Variants in PHF10 observed in about 807,000 individuals in gnomAD.
PHF10 encodes PHD finger protein 10.
In PHF10, 51 loss-of-function variants were observed where a neutral mutation model predicts 68.5. The observed-to-expected ratio is 0.74, with a 90% CI of 0.59 to 0.94. PHF10 has a LOEUF of 0.94. Among genes scored for constraint, PHF10 ranks in the 40% least tolerant of loss-of-function variants. The pLI, the probability that PHF10 is intolerant of heterozygous loss-of-function variation, is 0.00. For synonymous variants in PHF10, 204 were observed against 203.5 expected, an observed-to-expected ratio of 1.00 and a Z score of -0.02; for missense variants, 460 against 602.6, an observed-to-expected ratio of 0.76 and a Z score of 2.48.
chr6:169,712,302 A>G, intron 8 of PHF10, 84 bp downstream of exon 8: 2 of 1,144,792 alleles, frequency 1.7e-6, no homozygotes, highest in Non-Finnish European at 1.3e-6. Flanking sequence ...ATCCTTTTTC[A>G]AGGAGAGGGT....
At chr6:169,722,251 T>A (rs1418003499) in intron 1 of PHF10, among the ~76,000 whole-genome samples, 2 of 152,222 alleles carry the variant, frequency 1.3e-5, no homozygotes, top group African/African-American at 2.4e-5. Flanking sequence ...AAAATATATA[T>A]TCTTTTTCAG....
intron 7 of PHF10, among the ~76,000 whole-genome samples, chr6:169,713,615 A>T (rs956515554): frequency 3.3e-5 from 5 of 151,976 alleles, no homozygotes; most frequent in African/African-American, 1.2e-4. Context: ...AAAAAAAAAA[A>T]ATTTGAAGAA....
chr6:169,722,273 T>C (rs565312004), intron 1 of PHF10, among the ~76,000 whole-genome samples: 1 of 152,336 alleles, frequency 6.6e-6, no homozygotes, highest in Non-Finnish European at 1.5e-5. Context: ...CCTTATAAAA[T>C]AAGCATTTCA....
Position 169,703,928 on chromosome 6 carries a change from G to T in PHF10, c.*75C>A, listed in dbSNP as rs1392124534. The T allele has an allele frequency of 5.9e-6, 7 of 1,193,568 alleles. No individual in the cohort carries two copies. The highest frequency in any genetic ancestry group is 8.2e-6 in the Non-Finnish European group (7 of 853,408). 73.9% of individuals were successfully genotyped at this position (1,193,568 alleles called of 1,614,324 possible). On this transcript the variant is annotated 3_prime_UTR_variant, in exon 12 of 12. Transcript: ENST00000339209. ...AATTTGCAAAAAAAATCTTTTATTG[G>T]CATGAAAATAATGTTGTAAATGGCA...
At chr6:169,705,849 A>C in intron 9 of PHF10, 125 bp from the exon 10 acceptor site, 1 of 648,132 alleles carries the variant, frequency 1.5e-6, no homozygotes, top group Non-Finnish European at 2.8e-6. Flanking sequence ...CCATTTTGAA[A>C]GACAAAACTT....
chr6:169,708,256 T>C (rs1235928534), intron 9 of PHF10: 3 of 152,214 alleles, frequency 2.0e-5, no homozygotes, highest in African/African-American at 7.2e-5. Flanking sequence ...ATAGTATAGA[T>C]TTTAATTATT....
chr6:169,712,661 GTAC>G, intron 7 of PHF10, 122 bp from the exon 8 acceptor site: 1 of 700,718 alleles, frequency 1.4e-6, no homozygotes, highest in Non-Finnish European at 2.3e-6. Context: ...GAAAACTAGA[GTAC>G]TAATTTTTCA....
At chr6:169,704,347 G>C (rs557762427) in intron 11 of PHF10, 27 of 409,088 alleles carry the variant, frequency 6.6e-5, no homozygotes, top group African/African-American at 5.6e-4. Context: ...CTTTAAGAAA[G>C]TACAATCTTT....
chr6:169,709,793 G>A (rs2128329403), intron 9 of PHF10: 1 of 152,246 alleles, frequency 6.6e-6, no homozygotes, highest in South Asian at 2.1e-4. Flanking sequence ...CTTTCTTAAT[G>A]AAAGGCACTA....
intron 9 of PHF10, chr6:169,707,679 C>T (rs1246718888): frequency 6.6e-6 from 1 of 152,142 alleles, no homozygotes; most frequent in Non-Finnish European, 1.5e-5. Context: ...TAGAGCAATT[C>T]AAGTTCTACA....
At chr6:169,704,928 A>G (rs939913428) in intron 11 of PHF10, 2 of 422,180 alleles carry the variant, frequency 4.7e-6, no homozygotes, top group South Asian at 2.1e-4. Flanking sequence ...TAGCAGGGGC[A>G]TTCTGGCCTT....
intron 1 of PHF10, among the ~76,000 whole-genome samples, 193 bp downstream of exon 1, chr6:169,723,652 A>T (rs1789239929): frequency 6.7e-6 from 1 of 150,150 alleles, no homozygotes; most frequent in Admixed American, 6.6e-5. Context: ...GCCCGCCCGC[A>T]CTTGTTGCTC....
At chr6:169,715,575 A>C in intron 6 of PHF10, 133 bp downstream of exon 6, 1 of 849,614 alleles carries the variant, frequency 1.2e-6, no homozygotes, top group Non-Finnish European at 1.9e-6. Flanking sequence ...AAAACAAAAC[A>C]AAACAAACAA....
Position 169,716,077 on chromosome 6 carries a change from A to G in PHF10, c.421T>C (p.Leu141=), listed in dbSNP as rs759967985. 49 of 1,592,286 alleles carry G rather than the reference A, an allele frequency of 3.1e-5. No individual in the cohort carries two copies. In the East Asian group the frequency reaches 8.1e-4, roughly 26 times the overall value. ...AAATCAATCACTTCATCACTGCGCA[A>G]TGCTGTTAAGCCTATTTTAGACCAA... ...ETQCTLGLTA[L]RSDEVIDLMI... is the part of the protein sequence containing the mutation. Residue 141 remains leucine, a synonymous_variant, in exon 5 of 12, where the codon TTG becomes CTG. Transcript: ENST00000339209.
rs1788754729 is a variant in PHF10 at position 169,705,598 on chromosome 6, A to T, written c.1222+18T>A. On this transcript the variant is annotated intron_variant, in intron 10 of 11. Transcript: ENST00000339209. Reference sequence around the variant, plus strand: ...AAATACGGTGGTTAAAATTTTAAAAAGACATTTCAATACTTACCACTATTC... The same window carrying T: ...AAATACGGTGGTTAAAATTTTAAAATGACATTTCAATACTTACCACTATTC... 1.7e-6 allele frequency: 2 copies of T among 1,200,186 alleles called. No individual in the cohort carries two copies. The highest frequency in any genetic ancestry group is 3.4e-5 in the Admixed American group (2 of 58,932). The allele number at this position is 1,200,186 out of a possible 1,614,324, so 74.3% of individuals were successfully genotyped here. A position where few individuals can be genotyped will look rare whatever the true frequency, so the allele number is the denominator to read the frequency against.
At position 169,705,230 on chromosome 6, in the gene PHF10, TATA is replaced by T. The variant is rs779545472; in HGVS notation, c.1311_1313del (p.Ile438del). 1.3e-5 allele frequency: 21 copies of T among 1,613,392 alleles called. No homozygotes were observed. Among genetic ancestry groups the T allele is most frequent in the Non-Finnish European group, 1.8e-5 (21 of 1,179,446 alleles). On this transcript the variant is annotated inframe_deletion, in exon 11 of 12. Transcript: ENST00000339209. ...CTTCTTCATGGTGGGGTTGTCCACA[TATA>T]ATGCATGTTTTACATTCCATACACT...
chr6:169,723,816 G>A (rs923970602), intron 1 of PHF10, 29 bp downstream of exon 1: 3 of 832,988 alleles, frequency 3.6e-6, no homozygotes, highest in Non-Finnish European at 4.6e-6. Context: ...GACGGGGTCA[G>A]GGTCGGGTCG....
At chr6:169,707,145 AGT>A in intron 9 of PHF10, 1 of 152,322 alleles carries the variant, frequency 6.6e-6, no homozygotes, top group African/African-American at 2.4e-5. Context: ...ATATCATGGA[AGT>A]TAAACATACA....
rs753184831 is a variant in PHF10, at chr6:169,716,084, T to C, written c.414A>G (p.Leu138=). ...TCACTTCATCACTGCGCAATGCTGTTAAGCCTATTTTAGACCAAAAAATAA... is the reference window on the plus strand; with the variant it reads ...TCACTTCATCACTGCGCAATGCTGTCAAGCCTATTTTAGACCAAAAAATAA... ...VITETQCTLG[L]TALRSDEVID... The change falls in exon 5 of 12, where the codon TTA becomes TTG. Residue 138 remains leucine (L), a synonymous_variant. Coordinates refer to ENST00000339209, the MANE Select transcript of PHF10 (RefSeq NM_018288.4). 1.3e-6 allele frequency: 2 copies of C among 1,574,040 alleles called. No individual in the cohort carries two copies. Among genetic ancestry groups the C allele is most frequent in the Non-Finnish European group, 1.7e-6 (2 of 1,162,348 alleles).
Sources: allele counts gnomAD v4.1 joint callset (sites outside exome capture counted in the v4.1 genomes callset), GRCh38; gene constraint gnomAD v4.1.1; transcripts MANE v1.5; gene names NCBI Gene and HGNC (gene_info 2026-07-23, HGNC 2026-07-21).